CHST1: variants seen among roughly 807,000 people sequenced by gnomAD.
CHST1 encodes the protein Keratan sulfotransferase.
A neutral mutation model predicts 22.5 loss-of-function variants in CHST1; 10 were observed. The observed-to-expected ratio is 0.44, with a 90% CI of 0.27 to 0.75. The LOEUF is 0.75. Ranked by LOEUF, CHST1 falls within the 30% of genes least tolerant of loss-of-function variation. The probability of loss-of-function intolerance (pLI) is 0.15; values close to 1 mark genes in which losing one functional copy is unlikely to be tolerated. For synonymous variants in CHST1, 267 were observed against 264.5 expected (o/e 1.01, Z -0.09); for missense variants, 439 against 576.1 (o/e 0.76, Z 2.44).
At chr11:45,653,234 T>C (rs1045635415) in intron 1 of CHST1, among the ~76,000 whole-genome samples, 2 of 152,144 alleles carry the variant, frequency 1.3e-5, no homozygotes, top group African/African-American at 4.8e-5. Context: ...TTATTCCCTA[T>C]AAGCACTCTC....
At chr11:45,661,507 G>A (rs1336311027) in intron 1 of CHST1, among the ~76,000 whole-genome samples, 5 of 152,270 alleles carry the variant, frequency 3.3e-5, no homozygotes. Context: ...GGGTGTCCAT[G>A]GGGGTGCCGG....
chr11:45,648,525 T>C lies in CHST1; in HGVS notation c.*1163A>G, dbSNP rs1166280546. ...CGGTGAAACCCCGTCTCTACTAAAA[T>C]CCAAAAAAAAAAAAAAATAGCCAGG... On this transcript the variant is annotated 3_prime_UTR_variant, in exon 4 of 4. Transcript: ENST00000308064. 7.9e-6 allele frequency among the ~76,000 whole-genome samples: 1 copy of C among 126,830 alleles called. No homozygotes were observed. Among genetic ancestry groups the C allele is most frequent in the African/African-American group, 3.3e-5 (1 of 30,344 alleles). 83.2% of individuals were successfully genotyped at this position (126,830 alleles called of 152,430 possible).
intron 1 of CHST1, among the ~76,000 whole-genome samples, chr11:45,654,328 G>T (rs1023066746): frequency 6.6e-6 from 1 of 152,172 alleles, no homozygotes; most frequent in Non-Finnish European, 1.5e-5. Context: ...GGCCTCACAA[G>T]GTGTGGCCTG....
rs1004582805 is a variant in CHST1, at chr11:45,647,763, G to A, written c.*1925C>T. Among the ~76,000 whole-genome samples, 4 of 152,302 alleles carry A rather than the reference G, an allele frequency of 2.6e-5. No individual in the cohort carries two copies. Among genetic ancestry groups the A allele is most frequent in the East Asian group, 3.9e-4 (2 of 5,184 alleles). On this transcript the variant is annotated 3_prime_UTR_variant, in exon 4 of 4. Transcript: ENST00000308064. ...GTTAAGATGGTAAATTTTACATTCT[G>A]TTATTTTACCCCAGTAAAATTTTTT...
At chr11:45,657,868 C>A (rs567010724) in intron 1 of CHST1, among the ~76,000 whole-genome samples, 1 of 152,190 alleles carries the variant, frequency 6.6e-6, no homozygotes, top group African/African-American at 2.4e-5. Context: ...ATCCCTGGGC[C>A]CCACAGGCAG....
Position 45,650,255 on chromosome 11 carries a change from C to A in CHST1, c.669G>T (p.Pro223=), listed in dbSNP as rs557691037. 156 of 1,607,542 alleles carry A rather than the reference C, an allele frequency of 9.7e-5. 1 individual carries two copies. The South Asian group carries it at 1.7e-3, about 17-fold the overall frequency. ...GCTGGATGACCTTGAGGTTTAATCG[C>A]GGGTCTTCCACCAGGGCGCGCAGGT... ...VNDLRALVED[P]RLNLKVIQLV... is the part of the protein sequence containing the mutation. The change falls in exon 4 of 4, where the codon CCG becomes CCT. Residue 223 remains proline (P), a synonymous_variant. Coordinates refer to ENST00000308064, the MANE Select transcript of CHST1 (RefSeq NM_003654.6).
intron 1 of CHST1, among the ~76,000 whole-genome samples, chr11:45,659,263 C>T (rs1429078267): frequency 6.6e-6 from 1 of 152,178 alleles, no homozygotes; most frequent in African/African-American, 2.4e-5. Context: ...AGGATTCAGA[C>T]TCGGCTCTAA....
intron 1 of CHST1, among the ~76,000 whole-genome samples, chr11:45,656,718 A>ACCCTCCCC (rs1852066672): frequency 1.3e-5 from 1 of 75,280 alleles, no homozygotes; most frequent in Non-Finnish European, 2.8e-5. Flanking sequence ...TGTGCCTCCC[A>ACCCTCCCC]CCCTCCCCCC....
intron 1 of CHST1, among the ~76,000 whole-genome samples, chr11:45,654,181 G>C (rs1590690101): frequency 2.0e-5 from 3 of 152,272 alleles, no homozygotes; most frequent in Middle Eastern, 3.4e-3. Context: ...CTGGGGAGGG[G>C]GCCGTTTAAG....
At chr11:45,659,366 G>C (rs1004284060) in intron 1 of CHST1, among the ~76,000 whole-genome samples, 1 of 152,068 alleles carries the variant, frequency 6.6e-6, no homozygotes, top group African/African-American at 2.4e-5. Flanking sequence ...AGGGAGCACC[G>C]GGGCCAAGGT....
chr11:45,653,281 G>A (rs999546342), intron 1 of CHST1, among the ~76,000 whole-genome samples: 1 of 152,154 alleles, frequency 6.6e-6, no homozygotes, highest in South Asian at 2.1e-4. Flanking sequence ...TTCAGATGGA[G>A]AAATCAAGTC....
At position 45,650,077 on chromosome 11, in the gene CHST1, C is replaced by A; in HGVS notation, c.847G>T (p.Val283Leu). Reference protein sequence around the residue: ...TTVCEDFSNSVSTGLMRPPWL... With the variant: ...TTVCEDFSNSLSTGLMRPPWL... ...GGGGGCCGCATGAGGCCGGTGGACACGGAGTTGGAGAAGTCCTCGCACACC... is the reference window on the plus strand; with the variant it reads ...GGGGGCCGCATGAGGCCGGTGGACAAGGAGTTGGAGAAGTCCTCGCACACC... The change falls in exon 4 of 4, where the codon GTG (valine) becomes TTG (leucine). Residue 283 changes from valine (V) to leucine (L), a missense_variant. By Grantham distance (32) the Val-to-Leu change is conservative. Coordinates refer to ENST00000308064, the MANE Select transcript of CHST1 (RefSeq NM_003654.6). The A allele has an allele frequency of 1.2e-6, 2 of 1,614,098 alleles. No individual in the cohort carries two copies. The highest frequency in any genetic ancestry group is 1.7e-6 in the Non-Finnish European group (2 of 1,180,026).
chr11:45,651,822 G>C (rs144849349), intron 3 of CHST1, 171 bp downstream of exon 3: 1 of 152,366 alleles, frequency 6.6e-6, no homozygotes, highest in Non-Finnish European at 1.5e-5. Flanking sequence ...AGGGGGACTG[G>C]GGAGGGACCA....
intron 1 of CHST1, among the ~76,000 whole-genome samples, chr11:45,664,727 C>T (rs1590696676): frequency 1.3e-5 from 2 of 152,162 alleles, no homozygotes; most frequent in East Asian, 3.9e-4. Flanking sequence ...GGGCTGGGAG[C>T]AGGAAGCAGG....
Position 45,650,962 on chromosome 11 carries a change from A to T in CHST1, c.-39T>A, listed in dbSNP as rs1564996927. ...CATGGGGCTGCTTCTCCAAGGGGTGAGGTCTGTGGGCAAAGGCGGCCAGCG... is the reference window on the plus strand; with the variant it reads ...CATGGGGCTGCTTCTCCAAGGGGTGTGGTCTGTGGGCAAAGGCGGCCAGCG... On this transcript the variant is annotated 5_prime_UTR_variant, in exon 4 of 4. Transcript: ENST00000308064. 4 of 1,512,218 alleles carry T rather than the reference A, an allele frequency of 2.6e-6. No homozygotes were observed. In the Admixed American group the frequency reaches 6.8e-5, roughly 26 times the overall value. 93.7% of individuals were successfully genotyped at this position (1,512,218 alleles called of 1,614,324 possible). A position where few individuals can be genotyped will look rare whatever the true frequency, so the allele number is the denominator to read the frequency against.
chr11:45,658,548 G>A (rs1411209205), intron 1 of CHST1, among the ~76,000 whole-genome samples: 4 of 152,332 alleles, frequency 2.6e-5, no homozygotes, highest in South Asian at 2.1e-4. Flanking sequence ...ACATCCTGCC[G>A]TGGAGGGTGG....
Position 45,650,893 on chromosome 11 carries a change from G to A in CHST1, c.31C>T (p.Leu11Phe). 1.3e-6 allele frequency: 2 copies of A among 1,543,898 alleles called. No homozygotes were observed. Among genetic ancestry groups the A allele is most frequent in the South Asian group, 2.5e-5 (2 of 79,232 alleles). ...TGGATGGCAATGGAGGCCAGGGCAA[G>A]GAGGAGGACGGCCTTCCAGGAACAT... The part of the protein sequence containing the change: MQCSWKAVLL[L>F]ALASIAIQYT... Residue 11 changes from leucine to phenylalanine, a missense_variant, in exon 4 of 4, where the codon CTT (leucine) becomes TTT (phenylalanine). Coordinates refer to ENST00000308064, the MANE Select transcript of CHST1 (RefSeq NM_003654.6).
chr11:45,662,468 G>C (rs566281582), intron 1 of CHST1, among the ~76,000 whole-genome samples: 3 of 152,224 alleles, frequency 2.0e-5, no homozygotes, highest in African/African-American at 7.2e-5. Flanking sequence ...TTCCCAGCGG[G>C]GGGTGTGCCG....
chr11:45,650,838 T>C lies in CHST1; in HGVS notation c.86A>G (p.Lys29Arg). ...CAGCCCGGGGCAGGTGTGAAAGGAC[T>C]TGGCGGTGAAGGTGCGGATGGCCGT... ...QYTAIRTFTA[K>R]SFHTCPGLAE... Residue 29 changes from lysine to arginine, a missense_variant, in exon 4 of 4, where the codon AAG becomes AGG. Physicochemically the swap from Lys to Arg is conservative, Grantham distance 26. Coordinates refer to ENST00000308064, the MANE Select transcript of CHST1 (RefSeq NM_003654.6). 6.2e-7 allele frequency: 1 copy of C among 1,604,172 alleles called. No homozygotes were observed. The highest frequency in any genetic ancestry group is 8.5e-7 in the Non-Finnish European group (1 of 1,174,320).
Sources: gnomAD v4.1 joint callset for allele counts (sites outside exome capture counted in the v4.1 genomes callset) on GRCh38, gnomAD v4.1.1 for gene constraint, MANE v1.5 for transcripts, NCBI Gene and HGNC (gene_info 2026-07-23, HGNC 2026-07-21) for gene names.